Variants in SGSM1 observed in about 807,000 individuals in gnomAD.
The protein encoded by SGSM1 is RUN and TBC1 domain containing 2.
SGSM1 carries 73 observed loss-of-function variants against 133.8 expected under a neutral mutation model. The observed-to-expected ratio is 0.55, with a 90% CI of 0.45 to 0.66. SGSM1 has a LOEUF of 0.66. Ranked by LOEUF, SGSM1 falls within the 30% of genes least tolerant of loss-of-function variation. SGSM1 has a pLI of 0.00. For missense variants in SGSM1, 1,213 were observed against 1,448.1 expected (o/e 0.84, Z 2.64); for synonymous variants, 563 against 573.0 (o/e 0.98, Z 0.25).
chr22:24,879,584 G>C, intron 14 of SGSM1, 58 bp downstream of exon 14: 4 of 1,519,926 alleles, frequency 2.6e-6, no homozygotes, highest in Non-Finnish European at 3.6e-6. Flanking sequence ...GGTGCCTGCT[G>C]TATGCCAGCA....
chr22:24,822,699 G>C (rs1343467933), intron 2 of SGSM1, among the ~76,000 whole-genome samples: 2 of 152,178 alleles, frequency 1.3e-5, no homozygotes, highest in South Asian at 2.1e-4. Flanking sequence ...GGCTCTGGGA[G>C]CAGCAAGTTG....
chr22:24,874,379 C>G (rs773001200), intron 12 of SGSM1: 17 of 1,578,808 alleles, frequency 1.1e-5, no homozygotes, highest in Admixed American at 8.8e-5. Context: ...CCGCAGAACC[C>G]CCACCTCACT....
At chr22:24,842,938 A>G (rs1337059209) in intron 2 of SGSM1, among the ~76,000 whole-genome samples, 1 of 152,122 alleles carries the variant, frequency 6.6e-6, no homozygotes, top group African/African-American at 2.4e-5. Context: ...AGCCAAGGAG[A>G]AAACTAAGGT....
intron 24 of SGSM1, among the ~76,000 whole-genome samples, chr22:24,921,548 A>G (rs1274385405): frequency 1.3e-5 from 2 of 152,060 alleles, no homozygotes; most frequent in Non-Finnish European, 2.9e-5. Flanking sequence ...AAGATTCCCA[A>G]ATTTTCTCAA....
intron 22 of SGSM1, among the ~76,000 whole-genome samples, chr22:24,913,795 G>A (rs999795607): frequency 6.6e-6 from 1 of 152,036 alleles, no homozygotes; most frequent in South Asian, 2.1e-4. Context: ...AGAGGCGGGC[G>A]GATCACTTGA....
Position 24,925,894 on chromosome 22 carries a change from A to G in SGSM1, c.*1620A>G, listed in dbSNP as rs1011015523. On this transcript the variant is annotated 3_prime_UTR_variant, in exon 25 of 25. Transcript: ENST00000400358. ...CAATCCACAAACAGACCCGAAGTGA[A>G]CTAGTTTACTCTGCCTACCTGTCCT... 6.6e-6 allele frequency: 1 copy of G among 152,200 alleles called. No homozygotes were observed. Among genetic ancestry groups the G allele is most frequent in the Non-Finnish European group, 1.5e-5 (1 of 68,070 alleles). 9.4% of individuals were successfully genotyped at this position (152,200 alleles called of 1,614,324 possible). A position where few individuals can be genotyped will look rare whatever the true frequency, so the allele number is the denominator to read the frequency against.
chr22:24,914,258 A>G (rs1255509732), intron 22 of SGSM1, among the ~76,000 whole-genome samples: 3 of 142,972 alleles, frequency 2.1e-5, no homozygotes, highest in Non-Finnish European at 4.5e-5. Context: ...GCGCCACTGC[A>G]CTCCAGCCTG....
chr22:24,878,752 A>G (rs60831688), intron 13 of SGSM1, among the ~76,000 whole-genome samples: 2,454 of 152,246 alleles, frequency 0.016, 63 homozygotes, highest in African/African-American at 0.055. Flanking sequence ...GGCATCACCT[A>G]CTTAGCAATC....
intron 2 of SGSM1, among the ~76,000 whole-genome samples, chr22:24,809,552 C>T (rs1241675814): frequency 6.6e-6 from 1 of 152,212 alleles, no homozygotes; most frequent in Non-Finnish European, 1.5e-5. Flanking sequence ...CCAGTGCTGG[C>T]CTGGGGAGCC....
rs770322594 is a variant in SGSM1, at chr22:24,868,719, G to T, written c.1159-4G>T. 3.7e-6 allele frequency: 6 copies of T among 1,613,522 alleles called. No homozygotes were observed. In the Admixed American group the frequency reaches 6.7e-5, roughly 18 times the overall value. On this transcript the variant is annotated splice_region_variant and splice_polypyrimidine_tract_variant and intron_variant, in intron 11 of 24. Transcript: ENST00000400358. The stretch of plus-strand genomic sequence containing the variant: ...GGACCTTGTTTTGGGACATGTTTTT[G>T]CAGGGCAAAGTGTTTCCTAAACTGC...
chr22:24,838,672 T>C (rs1929611436), intron 2 of SGSM1, among the ~76,000 whole-genome samples: 1 of 152,178 alleles, frequency 6.6e-6, no homozygotes, highest in Non-Finnish European at 1.5e-5. Flanking sequence ...ACAAAAATCA[T>C]TTGATTATAT....
At chr22:24,877,146 T>C (rs1224354041) in intron 13 of SGSM1, among the ~76,000 whole-genome samples, 2 of 152,170 alleles carry the variant, frequency 1.3e-5, no homozygotes, top group African/African-American at 4.8e-5. Flanking sequence ...ACATGTCATA[T>C]CCACTCACAG....
intron 20 of SGSM1, among the ~76,000 whole-genome samples, chr22:24,903,415 C>T (rs1440975824): frequency 2.6e-5 from 4 of 151,920 alleles, no homozygotes; most frequent in African/African-American, 9.7e-5. Context: ...CACCATGTTG[C>T]CCAGGCTGGT....
intron 2 of SGSM1, among the ~76,000 whole-genome samples, chr22:24,825,060 C>T (rs1376304998): frequency 1.3e-5 from 2 of 152,122 alleles, no homozygotes; most frequent in East Asian, 3.9e-4. Flanking sequence ...GCACACTTAT[C>T]CCAGCTTAGG....
intron 10 of SGSM1, 84 bp downstream of exon 10, chr22:24,867,244 A>G: frequency 1.5e-6 from 2 of 1,303,092 alleles, no homozygotes; most frequent in Non-Finnish European, 2.2e-6. Context: ...CATTAGCATC[A>G]TGAGCGAATG....
At chr22:24,906,476 G>C (rs556435088) in intron 21 of SGSM1, among the ~76,000 whole-genome samples, 1 of 152,198 alleles carries the variant, frequency 6.6e-6, no homozygotes, top group African/African-American at 2.4e-5. Context: ...GTGATTTTGC[G>C]TATAGAAGAT....
chr22:24,917,515 G>T, intron 22 of SGSM1, 143 bp from the exon 23 acceptor site: 1 of 564,012 alleles, frequency 1.8e-6, no homozygotes, highest in Non-Finnish European at 3.1e-6. Context: ...TGTCTATTCA[G>T]ATCTTTTCCC....
Position 24,868,555 on chromosome 22 carries a change from G to A in SGSM1, c.1158+16G>A, listed in dbSNP as rs1931586561. 6.2e-7 allele frequency: 1 copy of A among 1,613,636 alleles called. No homozygotes were observed. ...GAGGGGTAAGGTGAGTGATCATCGG[G>A]ACCCAGGGAGGCTGGGGTGGAGGCT... On this transcript the variant is annotated intron_variant, in intron 11 of 24. Transcript: ENST00000400358.
At chr22:24,866,486 G>A (rs1931466912) in intron 9 of SGSM1, among the ~76,000 whole-genome samples, 1 of 152,206 alleles carries the variant, frequency 6.6e-6, no homozygotes, top group African/African-American at 2.4e-5. Flanking sequence ...AATTCAAGCT[G>A]ACTTAAGCAC....
Sources: gnomAD v4.1 joint callset for allele counts (sites outside exome capture counted in the v4.1 genomes callset) on GRCh38, gnomAD v4.1.1 for gene constraint, MANE v1.5 for transcripts, NCBI Gene and HGNC (gene_info 2026-07-23, HGNC 2026-07-21) for gene names.